KCNJ15: variants seen among roughly 807,000 people sequenced by gnomAD.
KCNJ15 encodes potassium inwardly rectifying channel subfamily J member 15, also known as ATP-sensitive inward rectifier potassium channel 15.
Under a neutral mutation model 23.0 loss-of-function variants are expected in KCNJ15, and 14 were observed. That is an observed-to-expected ratio of 0.61 (90% CI 0.40 to 0.95). The LOEUF is 0.95. KCNJ15 is among the 40% of genes least tolerant of loss of function. KCNJ15 has a pLI of 0.00. For synonymous variants in KCNJ15, 185 were observed against 183.2 expected, an observed-to-expected ratio of 1.01 and a Z score of -0.08; for missense variants, 388 against 461.8, an observed-to-expected ratio of 0.84 and a Z score of 1.46.
intron 1 of KCNJ15, among the ~76,000 whole-genome samples, chr21:38,283,450 G>T (rs994364663): frequency 1.3e-5 from 2 of 152,128 alleles, no homozygotes; most frequent in African/African-American, 4.8e-5. Context: ...TGTATCAATT[G>T]CCTTTTAAAA....
intron 1 of KCNJ15, among the ~76,000 whole-genome samples, chr21:38,230,001 C>T (rs1294534208): frequency 2.0e-5 from 3 of 152,184 alleles, no homozygotes; most frequent in Non-Finnish European, 4.4e-5. Context: ...TGTGAACATT[C>T]ATGCACAAAT....
In KCNJ15 at chr21:38,300,082, A is replaced by G. The variant is rs1260726366; in HGVS notation, c.821A>G (p.Glu274Gly). Residue 274 changes from glutamate (E) to glycine (G), a missense_variant, in exon 3 of 3, where the codon GAG becomes GGG. Physicochemically the swap from Glu to Gly is moderately conservative, Grantham distance 98 (BLOSUM62 -2). Coordinates refer to ENST00000398938, the MANE Select transcript of KCNJ15 (RefSeq NM_170736.3). ...LRDLTPQNLK[E>G]KEFELVVLLN... ...GACCTCACACCCCAAAACCTAAAGG[A>G]GAAGGAGTTTGAGCTTGTGGTCCTC... is the stretch of plus-strand genomic sequence containing the variant. 6.2e-7 allele frequency: 1 copy of G among 1,614,144 alleles called. No individual in the cohort carries two copies. Among genetic ancestry groups the G allele is most frequent in the Non-Finnish European group, 8.5e-7 (1 of 1,180,030 alleles).
intron 1 of KCNJ15, among the ~76,000 whole-genome samples, chr21:38,240,260 G>T (rs1978903043): frequency 6.6e-6 from 1 of 152,072 alleles, no homozygotes; most frequent in Admixed American, 6.6e-5. Context: ...AGTCTGCAAA[G>T]AATAAAAACA....
chr21:38,285,223 G>A (rs1420081995), intron 1 of KCNJ15, among the ~76,000 whole-genome samples: 1 of 152,184 alleles, frequency 6.6e-6, no homozygotes, highest in Non-Finnish European at 1.5e-5. Context: ...CGTGGTAAAT[G>A]TGATTCCTTT....
intron 1 of KCNJ15, among the ~76,000 whole-genome samples, chr21:38,247,528 G>A (rs199962703): frequency 1.9e-5 from 1 of 51,922 alleles, no homozygotes; most frequent in Admixed American, 2.1e-4. Flanking sequence ...ATAGGTGGAT[G>A]GATGGATGGA....
intron 1 of KCNJ15, among the ~76,000 whole-genome samples, chr21:38,248,472 T>C (rs1010189056): frequency 6.6e-6 from 1 of 152,244 alleles, no homozygotes; most frequent in African/African-American, 2.4e-5. Flanking sequence ...TATTTAACTA[T>C]TCAAGTGGTT....
chr21:38,298,969 G>A (rs1985455979), intron 2 of KCNJ15, among the ~76,000 whole-genome samples: 1 of 152,148 alleles, frequency 6.6e-6, no homozygotes. Flanking sequence ...AAACACTGGA[G>A]AGCAAAGGTC....
At chr21:38,248,900 C>G (rs1346721555) in intron 1 of KCNJ15, among the ~76,000 whole-genome samples, 2 of 151,984 alleles carry the variant, frequency 1.3e-5, no homozygotes, top group Non-Finnish European at 2.9e-5. Flanking sequence ...CATGCCTTCC[C>G]TTCTCCAAAC....
At chr21:38,285,330 C>T (rs2836286) in intron 1 of KCNJ15, among the ~76,000 whole-genome samples, 34,100 of 151,974 alleles carry the variant, frequency 0.22, 4,103 homozygotes, top group East Asian at 0.34. Context: ...ACTAATCATA[C>T]GAGCAGGCAG....
chr21:38,270,698 A>G (rs145182104), intron 1 of KCNJ15, among the ~76,000 whole-genome samples: 2 of 152,304 alleles, frequency 1.3e-5, no homozygotes, highest in Non-Finnish European at 2.9e-5. Flanking sequence ...ATAATATCAA[A>G]TGAACTTGTG....
intron 1 of KCNJ15, among the ~76,000 whole-genome samples, chr21:38,282,967 G>A (rs1322616847): frequency 6.6e-6 from 1 of 152,130 alleles, no homozygotes; most frequent in Non-Finnish European, 1.5e-5. Flanking sequence ...CAGGCATAGA[G>A]CAAAGAAGAA....
intron 1 of KCNJ15, among the ~76,000 whole-genome samples, chr21:38,242,354 A>T (rs1601128055): frequency 2.6e-5 from 4 of 152,190 alleles, no homozygotes; most frequent in African/African-American, 7.2e-5. Context: ...TGCCCCAGTG[A>T]TAGTGAGCTG....
At chr21:38,294,181 A>G (rs1321857481) in intron 1 of KCNJ15, among the ~76,000 whole-genome samples, 1 of 152,198 alleles carries the variant, frequency 6.6e-6, no homozygotes, top group Non-Finnish European at 1.5e-5. Context: ...TAATCCAGGC[A>G]TTTTTTATTT....
chr21:38,234,708 G>A (rs1978486642), intron 1 of KCNJ15, among the ~76,000 whole-genome samples: 1 of 152,214 alleles, frequency 6.6e-6, no homozygotes, highest in Non-Finnish European at 1.5e-5. Context: ...AGAATTACTA[G>A]AGAGCTCTTT....
At chr21:38,286,111 C>G (rs1471918493) in intron 1 of KCNJ15, among the ~76,000 whole-genome samples, 1 of 152,004 alleles carries the variant, frequency 6.6e-6, no homozygotes, top group South Asian at 2.1e-4. Context: ...GGCGTGGTGG[C>G]GGGTGCCTGT....
intron 1 of KCNJ15, among the ~76,000 whole-genome samples, chr21:38,235,433 A>C (rs1246908351): frequency 1.3e-5 from 2 of 152,056 alleles, no homozygotes; most frequent in African/African-American, 4.8e-5. Context: ...ACGCGCCTGT[A>C]ATCCCAGCTA....
chr21:38,302,430 T>C lies in KCNJ15; in HGVS notation c.*2041T>C, dbSNP rs1452574495. 1 of 152,212 alleles carries C rather than the reference T, an allele frequency of 6.6e-6. No homozygotes were observed. Among genetic ancestry groups the C allele is most frequent in the Admixed American group, 6.5e-5 (1 of 15,280 alleles). 9.4% of individuals were successfully genotyped at this position (152,212 alleles called of 1,614,324 possible). On this transcript the variant is annotated 3_prime_UTR_variant, in exon 3 of 3. Transcript: ENST00000398938. The stretch of plus-strand genomic sequence containing the variant: ...GGAAAGTTTGTGAAAGTTTAAAGAA[T>C]GCCCTCAATCCATGAACGAGAGGGA...
At chr21:38,235,692 GTTTT>G (rs1386476025) in intron 1 of KCNJ15, among the ~76,000 whole-genome samples, 4 of 152,072 alleles carry the variant, frequency 2.6e-5, no homozygotes. Context: ...TTGTCCTCCT[GTTTT>G]TTTCTTTGTT....
intron 1 of KCNJ15, among the ~76,000 whole-genome samples, chr21:38,232,538 G>A (rs1260719439): frequency 6.6e-6 from 1 of 151,706 alleles, no homozygotes; most frequent in East Asian, 1.9e-4. Flanking sequence ...TGGAAGTTTG[G>A]GTAATTGATT....
Sources: allele counts gnomAD v4.1 joint callset (sites outside exome capture counted in the v4.1 genomes callset), GRCh38; gene constraint gnomAD v4.1.1; transcripts MANE v1.5; gene names NCBI Gene and HGNC (gene_info 2026-07-23, HGNC 2026-07-21).